LRRK2: variants seen among roughly 807,000 people sequenced by gnomAD.
LRRK2 encodes the protein leucine-rich repeat serine/threonine-protein kinase 2.
In LRRK2, 203 loss-of-function variants were observed where a neutral mutation model predicts 302.6. That is an observed-to-expected ratio of 0.67 (90% CI 0.60 to 0.75). LRRK2 has a LOEUF of 0.75. Among genes scored for constraint, LRRK2 ranks in the 30% least tolerant of loss-of-function variants. LRRK2 has a pLI of 0.00. For synonymous variants in LRRK2, 1,066 were observed against 1,031.9 expected, an observed-to-expected ratio of 1.03 and a Z score of -0.63; for missense variants, 2,830 against 2,951.0, an observed-to-expected ratio of 0.96 and a Z score of 0.95.
chr12:40,259,713 C>A, intron 13 of LRRK2, 109 bp downstream of exon 13: 1 of 1,389,288 alleles, frequency 7.2e-7, no homozygotes, highest in Non-Finnish European at 1.0e-6. Context: ...TTTCTGTCGA[C>A]TAAATGTAAA....
At chr12:40,339,280 A>G (rs10732751) in intron 40 of LRRK2, among the ~76,000 whole-genome samples, 116,840 of 152,138 alleles carry the variant, frequency 0.77, 45,720 homozygotes, top group Non-Finnish European at 0.86. Flanking sequence ...TTTTCAACAT[A>G]GGTTATAACA....
intron 3 of LRRK2, chr12:40,232,652 AT>A: frequency 3.9e-6 from 1 of 259,144 alleles, no homozygotes; most frequent in Non-Finnish European, 7.3e-6. Context: ...TAAGTTGTAG[AT>A]TTTTGATGAG....
At chr12:40,319,586 G>A (rs1364703227) in intron 33 of LRRK2, among the ~76,000 whole-genome samples, 1 of 151,938 alleles carries the variant, frequency 6.6e-6, no homozygotes, top group Non-Finnish European at 1.5e-5. Flanking sequence ...GTATATAAAT[G>A]TGAAGTAATA....
chr12:40,259,696 A>T, intron 13 of LRRK2, 92 bp downstream of exon 13: 2 of 1,499,436 alleles, frequency 1.3e-6, no homozygotes, highest in East Asian at 4.6e-5. Context: ...AAATATTAAA[A>T]GACTAGTTTC....
chr12:40,280,451 C>T lies in LRRK2; in HGVS notation c.2241+2190C>T, dbSNP rs150151187. 2.6e-3 allele frequency among the ~76,000 whole-genome samples: 397 copies of T among 151,206 alleles called. 1 individual carries two copies. Among genetic ancestry groups the T allele is most frequent in the African/African-American group, 9.3e-3 (383 of 41,166 alleles). ...CCAGCCTGGGCAACATAGTTAGACC[C>T]CCATGTCTACAAAAAGTCAAAAAAT... On this transcript the variant is annotated intron_variant, in intron 18 of 50. Transcript: ENST00000298910.
intron 20 of LRRK2, 67 bp downstream of exon 20, chr12:40,287,606 A>G (rs1943980617): frequency 6.6e-7 from 1 of 1,507,740 alleles, no homozygotes; most frequent in Admixed American, 1.8e-5. Context: ...AATAGGACCC[A>G]AGACAAAAAC....
Position 40,298,338 on chromosome 12 carries a change from T to C in LRRK2, c.3192T>C (p.Asp1064=). 1 of 1,614,012 alleles carries C rather than the reference T, an allele frequency of 6.2e-7. No homozygotes were observed. Among genetic ancestry groups the C allele is most frequent in the Non-Finnish European group, 8.5e-7 (1 of 1,179,972 alleles). The stretch of plus-strand genomic sequence containing the variant: ...AAATGAGTTGTATTGCTAATCTTGA[T>C]GTCTCTCGAAATGACATTGGACCCT... The part of the protein sequence containing the change: ...LLKMSCIANL[D]VSRNDIGPSV... The change falls in exon 24 of 51, where the codon GAT becomes GAC. Residue 1064 remains aspartate (D), a synonymous_variant. Transcript: ENST00000298910.
intron 7 of LRRK2, 148 bp from the exon 8 acceptor site, chr12:40,249,678 A>G: frequency 2.3e-6 from 2 of 861,842 alleles, no homozygotes; most frequent in Non-Finnish European, 1.8e-6. Context: ...TTACTCAATC[A>G]TATTAAGCTA....
At chr12:40,313,594 T>G (rs10784504) in intron 31 of LRRK2, among the ~76,000 whole-genome samples, 85,988 of 151,786 alleles carry the variant, frequency 0.57, 24,500 homozygotes, top group South Asian at 0.7. Flanking sequence ...CTCTTGTAAT[T>G]TGTACTGATA....
At position 40,283,955 on chromosome 12, in the gene LRRK2, G is replaced by A. The variant is rs146103273; in HGVS notation, c.2322G>A (p.Ala774=). The A allele has an allele frequency of 3.9e-4, 624 of 1,613,882 alleles. 1 individual carries two copies. Among genetic ancestry groups the A allele is most frequent in the Admixed American group, 2.2e-3 (133 of 59,992 alleles). Residue 774 remains alanine, a synonymous_variant, in exon 19 of 51, where the codon GCG becomes GCA. Coordinates refer to ENST00000298910, the MANE Select transcript of LRRK2 (RefSeq NM_198578.4). ...CTCGTGAACAAGATGTACGAAAAGC[G>A]TTGACGATAAGCATTGGGAAAGGTG... ...SGSREQDVRK[A]LTISIGKGDS...
At chr12:40,261,093 C>G (rs1004169526) in intron 13 of LRRK2, among the ~76,000 whole-genome samples, 4 of 152,092 alleles carry the variant, frequency 2.6e-5, no homozygotes. Context: ...AAAATTGAAT[C>G]ATGGTGTCCT....
At chr12:40,248,610 A>C (rs10450777) in intron 7 of LRRK2, among the ~76,000 whole-genome samples, 2,053 of 152,286 alleles carry the variant, frequency 0.013, 48 homozygotes, top group African/African-American at 0.047. Context: ...TTAAAACCTC[A>C]AGTAAATAAA....
intron 40 of LRRK2, among the ~76,000 whole-genome samples, chr12:40,335,774 AC>A (rs1431888411): frequency 2.0e-5 from 3 of 152,152 alleles, no homozygotes; most frequent in African/African-American, 7.2e-5. Flanking sequence ...AATTATGATG[AC>A]TTCTGTAATA....
At chr12:40,315,062 G>A (rs1565743859) in intron 32 of LRRK2, 150 bp from the exon 33 acceptor site, 1 of 698,464 alleles carries the variant, frequency 1.4e-6, no homozygotes, top group Non-Finnish European at 2.6e-6. Flanking sequence ...TTAGACCATA[G>A]GATGCACAGC....
At chr12:40,357,975 C>G (rs1204836383) in intron 46 of LRRK2, among the ~76,000 whole-genome samples, 1 of 152,020 alleles carries the variant, frequency 6.6e-6, no homozygotes, top group Non-Finnish European at 1.5e-5. Flanking sequence ...ACTATGTTGT[C>G]CAGACTGATC....
At chr12:40,317,599 A>C (rs1482167572) in intron 33 of LRRK2, among the ~76,000 whole-genome samples, 1 of 152,114 alleles carries the variant, frequency 6.6e-6, no homozygotes, top group Non-Finnish European at 1.5e-5. Flanking sequence ...ATGATAAAAG[A>C]GATATGAAAG....
chr12:40,244,442 G>GCTA (rs1358066734), intron 7 of LRRK2, among the ~76,000 whole-genome samples: 1 of 151,830 alleles, frequency 6.6e-6, no homozygotes, highest in Non-Finnish European at 1.5e-5. Context: ...CTTATTTTAT[G>GCTA]CTACTACTAT....
rs754632911 is a variant in LRRK2 at position 40,287,411 on chromosome 12, A to G, written c.2561A>G (p.Glu854Gly). Residue 854 changes from glutamate (E) to glycine (G), a missense_variant, in exon 20 of 51, where the codon GAA (glutamate) becomes GGA (glycine). This residue lies in a region of LRRK2 where 2,121 missense variants were observed against 2,148.0 expected (regional missense o/e 0.99). Transcript: ENST00000298910. ...IRYQMKSAVE[E>G]GTASGSDGNF... ...TATCAGATGAAAAGTGCTGTGGAAG[A>G]AGGAACAGCCTCAGGCAGCGATGGA... is the stretch of plus-strand genomic sequence containing the variant. The G allele has an allele frequency of 1.2e-6, 2 of 1,612,882 alleles. No individual in the cohort carries two copies. Among genetic ancestry groups the G allele is most frequent in the Non-Finnish European group, 1.7e-6 (2 of 1,179,144 alleles).
chr12:40,292,222 G>A (rs1318069488), intron 20 of LRRK2, among the ~76,000 whole-genome samples: 1 of 151,910 alleles, frequency 6.6e-6, no homozygotes, highest in Non-Finnish European at 1.5e-5. Context: ...GTGATCATAG[G>A]GCTCACATAA....
Sources: allele counts gnomAD v4.1 joint callset (sites outside exome capture counted in the v4.1 genomes callset), GRCh38; gene constraint gnomAD v4.1.1; regional missense constraint gnomAD v4.1.1; transcripts MANE v1.5; gene names NCBI Gene and HGNC (gene_info 2026-07-23, HGNC 2026-07-21).